Variants in EOGT observed in about 807,000 individuals in gnomAD.
EOGT encodes EGF domain-specific O-linked N-acetylglucosamine transferase.
In EOGT, 55 loss-of-function variants were observed where a neutral mutation model predicts 70.5. The ratio of observed to expected loss-of-function variants is 0.78; its 90% confidence interval spans 0.63 to 0.98. EOGT has a LOEUF of 0.98. Among genes scored for constraint, EOGT ranks in the 50% least tolerant of loss-of-function variants. EOGT has a pLI of 0.00. For missense variants in EOGT, 703 were observed against 641.9 expected, an observed-to-expected ratio of 1.10 and a Z score of -1.03; for synonymous variants, 246 against 217.1, an observed-to-expected ratio of 1.13 and a Z score of -1.17.
At position 68,977,506 on chromosome 3, in the gene EOGT, A is replaced by G. The variant is rs1247659564; in HGVS notation, c.*112T>C. On this transcript the variant is annotated 3_prime_UTR_variant, in exon 18 of 18. Transcript: ENST00000383701. ...CAATATCCTGAAGGTATGTTTTGGC[A>G]TAGAAAAGGTAATTCGGGGATAGGA... 2 of 1,127,966 alleles carry G rather than the reference A, an allele frequency of 1.8e-6. No homozygotes were observed. Among genetic ancestry groups the G allele is most frequent in the South Asian group, 2.8e-5 (2 of 72,244 alleles). 69.9% of individuals were successfully genotyped at this position (1,127,966 alleles called of 1,614,324 possible). A position where few individuals can be genotyped will look rare whatever the true frequency, so the allele number is the denominator to read the frequency against.
At chr3:68,997,897 C>T (rs962418030) in intron 10 of EOGT, 114 bp downstream of exon 10, 10 of 656,566 alleles carry the variant, frequency 1.5e-5, no homozygotes, top group Admixed American at 5.8e-5. Context: ...GCATTATGTG[C>T]GGCTGTACAT....
At chr3:68,991,446 G>T (rs2107250957) in intron 10 of EOGT, among the ~76,000 whole-genome samples, 1 of 152,312 alleles carries the variant, frequency 6.6e-6, no homozygotes, top group African/African-American at 2.4e-5. Flanking sequence ...AAATAGCACA[G>T]AACTGGAAAC....
chr3:68,982,732 C>T, intron 15 of EOGT, 79 bp downstream of exon 15: 2 of 1,031,204 alleles, frequency 1.9e-6, no homozygotes, highest in South Asian at 1.7e-5. Context: ...ATGGCTCCCA[C>T]TGGAAAAATG....
chr3:68,979,818 T>C (rs1237431209), intron 15 of EOGT, 31 bp from the exon 16 acceptor site: 3 of 1,607,984 alleles, frequency 1.9e-6, no homozygotes, highest in Non-Finnish European at 2.6e-6. Flanking sequence ...ATGAGAGAGA[T>C]GGGGAGAAGA....
chr3:68,987,492 T>C lies in EOGT; in HGVS notation c.1105A>G (p.Ile369Val). 2.5e-6 allele frequency: 4 copies of C among 1,613,898 alleles called. No individual in the cohort carries two copies. The highest frequency in any genetic ancestry group is 2.2e-5 in the East Asian group (1 of 44,870). ...CGGTATTCTGTGCTCCGTGCAAGAA[T>C]GGTGACTCGAATTTTTCCATCCTGT... is the stretch of plus-strand genomic sequence containing the variant. ...GPKDGKIRVT[I>V]LARSTEYRKI... Residue 369 changes from isoleucine to valine, a missense_variant, in exon 14 of 18, where the codon ATT becomes GTT. By Grantham distance (29) the Ile-to-Val change is conservative. Coordinates refer to ENST00000383701, the MANE Select transcript of EOGT (RefSeq NM_001278689.2).
intron 15 of EOGT, among the ~76,000 whole-genome samples, chr3:68,981,146 A>G (rs977747221): frequency 3.3e-5 from 5 of 152,234 alleles, no homozygotes; most frequent in Non-Finnish European, 1.5e-5. Context: ...AGACTGTTGA[A>G]AGCGTGAGAT....
chr3:68,988,559 C>G lies in EOGT; in HGVS notation c.943G>C (p.Val315Leu). ...DSKRVCFKEAVFSLLPRMRYG... is the reference protein window; with the variant it reads ...DSKRVCFKEALFSLLPRMRYG... Reference sequence around the variant, plus strand: ...CTCATGCGGGGGAGTAATGAAAAAACAGCTTCTTTAAAACATACCTAAGAA... The same window carrying G: ...CTCATGCGGGGGAGTAATGAAAAAAGAGCTTCTTTAAAACATACCTAAGAA... The change falls in exon 12 of 18, where the codon GTT becomes CTT. Residue 315 changes from valine to leucine, a missense_variant. Val to Leu is a conservative substitution (Grantham distance 32, BLOSUM62 1). Transcript: ENST00000383701. The G allele has an allele frequency of 6.5e-7, 1 of 1,532,372 alleles. No individual in the cohort carries two copies. The allele number at this position is 1,532,372 out of a possible 1,614,324, so 94.9% of individuals were successfully genotyped here.
At chr3:68,993,351 G>A (rs2091050853) in intron 10 of EOGT, among the ~76,000 whole-genome samples, 1 of 152,086 alleles carries the variant, frequency 6.6e-6, no homozygotes, top group Admixed American at 6.5e-5. Flanking sequence ...CAAGTTCAAA[G>A]TTCCACAAAT....
chr3:68,987,787 G>T (rs969853473), intron 13 of EOGT: 18 of 480,920 alleles, frequency 3.7e-5, no homozygotes, highest in East Asian at 1.1e-4. Flanking sequence ...TGAACATTTG[G>T]GGAGGTGAGG....
intron 9 of EOGT, among the ~76,000 whole-genome samples, chr3:68,999,646 T>C (rs533606344): frequency 6.6e-6 from 1 of 152,270 alleles, no homozygotes; most frequent in African/African-American, 2.4e-5. Flanking sequence ...CCCAGAAAAA[T>C]CTTGGCAAAG....
rs764559304 is a variant in EOGT at position 68,978,383 on chromosome 3, C to T, written c.1387G>A (p.Val463Ile). ...TGCCGTCGCCAAGTGATGTAGTGAA[C>T]GCCTCTCAGCCTGGCCAAGTCTAAG... ...CYLDLARLRGVHYITWRRQNK... is the reference protein window; with the variant it reads ...CYLDLARLRGIHYITWRRQNK... The change falls in exon 17 of 18, where the codon GTT (valine) becomes ATT (isoleucine). Residue 463 changes from valine to isoleucine, a missense_variant. Transcript: ENST00000383701. 1.9e-5 allele frequency: 31 copies of T among 1,612,650 alleles called. No individual in the cohort carries two copies. The highest frequency in any genetic ancestry group is 1.0e-4 in the Admixed American group (6 of 59,750).
chr3:69,005,169 A>G lies in EOGT; in HGVS notation c.486T>C (p.Asp162=). The change falls in exon 7 of 18, where the codon GAT becomes GAC. Residue 162 remains aspartate (D), a synonymous_variant. Transcript: ENST00000383701. ...CATGATTTCTCTTGATGTTTCTTAA[A>G]TCAAGATAGAGATTGGTTGCTCTGC... The part of the protein sequence containing the change: ...QYCRATNLYL[D]LRNIKRNHDR... 1 of 1,599,428 alleles carries G rather than the reference A, an allele frequency of 6.3e-7. No individual in the cohort carries two copies. Among genetic ancestry groups the G allele is most frequent in the South Asian group, 1.1e-5 (1 of 90,490 alleles).
rs1047225362 is a variant in EOGT, at chr3:68,987,620, A to T, written c.1084-107T>A. 7.6e-6 allele frequency: 6 copies of T among 788,548 alleles called. No individual in the cohort carries two copies. The African/African-American group carries it at 1.0e-4, about 14-fold the overall frequency. The allele number at this position is 788,548 out of a possible 1,614,324, so 48.8% of individuals were successfully genotyped here. Reference sequence around the variant, plus strand: ...CACAAAGAGATGAAACTCAACCAGGATACATTAATAGAACTCTTCTTTTTT... The same window carrying T: ...CACAAAGAGATGAAACTCAACCAGGTTACATTAATAGAACTCTTCTTTTTT... On this transcript the variant is annotated intron_variant, in intron 13 of 17. Transcript: ENST00000383701.
At chr3:68,988,481 T>A (rs1175174321) in intron 12 of EOGT, 25 bp downstream of exon 12, 16 of 1,508,658 alleles carry the variant, frequency 1.1e-5, no homozygotes, top group Non-Finnish European at 1.4e-5. Context: ...TAAATATGAA[T>A]GCTAATGGTA....
chr3:69,009,772 A>G lies in EOGT; in HGVS notation c.75T>C (p.Asn25=). Residue 25 remains asparagine, a synonymous_variant, in exon 4 of 18, where the codon AAT becomes AAC. Coordinates refer to ENST00000383701, the MANE Select transcript of EOGT (RefSeq NM_001278689.2). ...SLSGQNEAPP[N]THSIPGEPLY... ...GAGGTTCGCCTGGAATGCTGTGAGTATTAGGAGGAGCTTCATTCTGACCAC... is the reference window on the plus strand; with the variant it reads ...GAGGTTCGCCTGGAATGCTGTGAGTGTTAGGAGGAGCTTCATTCTGACCAC... The G allele has an allele frequency of 6.2e-7, 1 of 1,614,114 alleles. No homozygotes were observed. Among genetic ancestry groups the G allele is most frequent in the East Asian group, 2.2e-5 (1 of 44,876 alleles).
chr3:69,002,171 A>T (rs535522912), intron 8 of EOGT, among the ~76,000 whole-genome samples: 2 of 152,312 alleles, frequency 1.3e-5, no homozygotes, highest in East Asian at 3.9e-4. Context: ...CGAGGCTTAC[A>T]ACAACCTGAG....
At chr3:68,988,059 C>A (rs746356764) in intron 13 of EOGT, among the ~76,000 whole-genome samples, 1 of 152,208 alleles carries the variant, frequency 6.6e-6, no homozygotes, top group Non-Finnish European at 1.5e-5. Context: ...GGACTACAGG[C>A]ACATGCCACC....
At chr3:68,981,485 A>G (rs2090638383) in intron 15 of EOGT, among the ~76,000 whole-genome samples, 1 of 152,238 alleles carries the variant, frequency 6.6e-6, no homozygotes, top group African/African-American at 2.4e-5. Context: ...TTTGGGAAAC[A>G]CAGCTGTGAC....
rs1195595248 is a variant in EOGT at position 68,976,341 on chromosome 3, T to C, written c.*1277A>G. Reference sequence around the variant, plus strand: ...GTATATGCAGTTACAAATACTCGCATAAAATGGAAACCATTATTTCATATA... The same window carrying C: ...GTATATGCAGTTACAAATACTCGCACAAAATGGAAACCATTATTTCATATA... On this transcript the variant is annotated 3_prime_UTR_variant, in exon 18 of 18. Coordinates refer to ENST00000383701, the MANE Select transcript of EOGT (RefSeq NM_001278689.2). 6.6e-6 allele frequency: 1 copy of C among 152,196 alleles called. No homozygotes were observed. Among genetic ancestry groups the C allele is most frequent in the Non-Finnish European group, 1.5e-5 (1 of 68,038 alleles). The allele number at this position is 152,196 out of a possible 1,614,324, so 9.4% of individuals were successfully genotyped here.
Sources: gnomAD v4.1 joint callset for allele counts (sites outside exome capture counted in the v4.1 genomes callset) on GRCh38, gnomAD v4.1.1 for gene constraint, MANE v1.5 for transcripts, NCBI Gene and HGNC (gene_info 2026-07-23, HGNC 2026-07-21) for gene names.